Variants in SLC43A1 observed in about 807,000 individuals in gnomAD.
SLC43A1 encodes the protein solute carrier family 43 member 1.
Under a neutral mutation model 59.5 loss-of-function variants are expected in SLC43A1, and 31 were observed. The observed-to-expected ratio is 0.52, with a 90% CI of 0.39 to 0.70. The LOEUF (loss-of-function observed/expected upper bound fraction) is 0.70, where lower values mean the gene tolerates loss of function less well. Ranked by LOEUF, SLC43A1 falls within the 30% of genes least tolerant of loss-of-function variation. The pLI, the probability that SLC43A1 is intolerant of heterozygous loss-of-function variation, is 0.00. For missense variants in SLC43A1, 598 were observed against 717.8 expected, an observed-to-expected ratio of 0.83 and a Z score of 1.91; for synonymous variants, 259 against 290.9, an observed-to-expected ratio of 0.89 and a Z score of 1.12.
rs1565146251 is a variant in SLC43A1, at chr11:57,513,986, GTTC to G, written c.123_125del (p.Lys41del). The G allele has an allele frequency of 2.1e-6, 3 of 1,452,662 alleles. No homozygotes were observed. The allele number at this position is 1,452,662 out of a possible 1,614,324, so 90.0% of individuals were successfully genotyped here. A position where few individuals can be genotyped will look rare whatever the true frequency, so the allele number is the denominator to read the frequency against. On this transcript the variant is annotated inframe_deletion, in exon 2 of 15. Transcript: ENST00000278426. ...GGCACGTGCTGGAATAGAAGCCCTC[GTTC>G]TTCAGAATGATCAACAGGGAGCCCC...
chr11:57,497,584 C>T (rs886792574), intron 6 of SLC43A1, among the ~76,000 whole-genome samples, 169 bp downstream of exon 6: 2 of 152,216 alleles, frequency 1.3e-5, no homozygotes, highest in African/African-American at 4.8e-5. Flanking sequence ...GGGAGACCAG[C>T]TGAGAAAGCT....
intron 6 of SLC43A1, among the ~76,000 whole-genome samples, 157 bp from the exon 7 acceptor site, chr11:57,496,321 C>A (rs960199844): frequency 1.3e-5 from 2 of 152,196 alleles, no homozygotes; most frequent in Admixed American, 6.6e-5. Context: ...AGTTTAGAGT[C>A]AGACTCAGAA....
rs201227416 is a variant in SLC43A1 at position 57,485,218 on chromosome 11, A to G, written c.1558T>C (p.Ser520Pro). 2 of 1,613,580 alleles carry G rather than the reference A, an allele frequency of 1.2e-6. No individual in the cohort carries two copies. Residue 520 changes from serine (S) to proline (P), a missense_variant, in exon 15 of 15, where the codon TCA becomes CCA. Physicochemically the swap from Ser to Pro is moderately conservative, Grantham distance 74 (BLOSUM62 -1). Coordinates refer to ENST00000278426, the MANE Select transcript of SLC43A1 (RefSeq NM_003627.6). ...FWVNLGLLLF[S>P]LLGFLLPSYL... Reference sequence around the variant, plus strand: ...GAAGGCAACAGGAATCCCAGGAGTGAGAATAGCAGGAGGCCCAGATTCACC... The same window carrying G: ...GAAGGCAACAGGAATCCCAGGAGTGGGAATAGCAGGAGGCCCAGATTCACC...
chr11:57,513,834 A>C, intron 2 of SLC43A1, 124 bp downstream of exon 2: 1 of 752,630 alleles, frequency 1.3e-6, no homozygotes. Context: ...GAAGAGGTCG[A>C]GAAGTGAGGC....
chr11:57,505,818 A>T (rs1228024341), intron 2 of SLC43A1, among the ~76,000 whole-genome samples: 4 of 152,174 alleles, frequency 2.6e-5, no homozygotes, highest in African/African-American at 9.7e-5. Flanking sequence ...GCCGGGTTCA[A>T]ATTCTAATTC....
chr11:57,487,047 C>G, intron 14 of SLC43A1, 48 bp downstream of exon 14: 1 of 1,601,908 alleles, frequency 6.2e-7, no homozygotes, highest in Non-Finnish European at 8.5e-7. Context: ...CTACCCCTGC[C>G]CCCAGGAGAG....
intron 5 of SLC43A1, among the ~76,000 whole-genome samples, 199 bp downstream of exon 5, chr11:57,500,580 A>G (rs1316960001): frequency 6.6e-6 from 1 of 152,112 alleles, no homozygotes; most frequent in Non-Finnish European, 1.5e-5. Flanking sequence ...ACACCCCGAC[A>G]CACAGCCTCA....
intron 14 of SLC43A1, 81 bp downstream of exon 14, chr11:57,487,014 G>A (rs1222476997): frequency 5.4e-6 from 8 of 1,475,722 alleles, no homozygotes; most frequent in South Asian, 2.3e-5. Context: ...AGATGAGTGA[G>A]GGATGGCACC....
chr11:57,509,721 A>G (rs1291578001), intron 2 of SLC43A1, among the ~76,000 whole-genome samples: 6 of 133,642 alleles, frequency 4.5e-5, no homozygotes, highest in Non-Finnish European at 9.6e-5. Context: ...AGGGAGGGAA[A>G]GAAGGAAGGA....
intron 2 of SLC43A1, among the ~76,000 whole-genome samples, chr11:57,503,854 C>G (rs1944328953): frequency 6.6e-6 from 1 of 152,156 alleles, no homozygotes; most frequent in African/African-American, 2.4e-5. Flanking sequence ...AGTTTAAAAT[C>G]AGGAGTTATC....
In SLC43A1 at chr11:57,500,990, T is replaced by G; in HGVS notation, c.386A>C (p.Glu129Ala). 6.3e-7 allele frequency: 1 copy of G among 1,598,642 alleles called. No homozygotes were observed. The highest frequency in any genetic ancestry group is 8.5e-7 in the Non-Finnish European group (1 of 1,172,310). Residue 129 changes from glutamate to alanine, a missense_variant and splice_region_variant, in exon 4 of 15, where the codon GAA becomes GCA. Transcript: ENST00000278426. ...TLMALASRDVEALSPLIFLAL... is the reference protein window; with the variant it reads ...TLMALASRDVAALSPLIFLAL... ...CCACAAGAGGACAGACAACTCACCTTCCACGTCCCGGGAGGCCAGGGCCAT... is the reference window on the plus strand; with the variant it reads ...CCACAAGAGGACAGACAACTCACCTGCCACGTCCCGGGAGGCCAGGGCCAT...
intron 8 of SLC43A1, among the ~76,000 whole-genome samples, chr11:57,492,246 T>TTATA (rs996972784): frequency 7.5e-6 from 1 of 132,906 alleles, no homozygotes; most frequent in East Asian, 2.1e-4. Flanking sequence ...TATACAGAAA[T>TTATA]TATATATATA....
At chr11:57,492,536 GTATATATA>G (rs71061509) in intron 8 of SLC43A1, among the ~76,000 whole-genome samples, 1,216 of 79,816 alleles carry the variant, frequency 0.015, 30 homozygotes, top group African/African-American at 0.062. Context: ...ATAATTTTGT[GTATATATA>G]TATATATATA....
At chr11:57,498,552 A>G (rs1185535282) in intron 5 of SLC43A1, among the ~76,000 whole-genome samples, 2 of 152,222 alleles carry the variant, frequency 1.3e-5, no homozygotes, top group African/African-American at 4.8e-5. Context: ...TTCACAGAGC[A>G]CATTAATGGC....
intron 2 of SLC43A1, among the ~76,000 whole-genome samples, chr11:57,510,727 C>A (rs1233190290): frequency 1.3e-5 from 2 of 152,092 alleles, no homozygotes; most frequent in Middle Eastern, 3.4e-3. Flanking sequence ...CACAGTGGCT[C>A]ACGCCTGTAA....
At chr11:57,504,636 C>T (rs542288964) in intron 2 of SLC43A1, among the ~76,000 whole-genome samples, 1 of 152,314 alleles carries the variant, frequency 6.6e-6, no homozygotes, top group Admixed American at 6.5e-5. Context: ...TTCTTACAGG[C>T]AGGCTCAGAT....
At chr11:57,487,259 T>C in intron 13 of SLC43A1, 41 bp from the exon 14 acceptor site, 1 of 1,597,638 alleles carries the variant, frequency 6.3e-7, no homozygotes, top group Non-Finnish European at 8.6e-7. Context: ...TGTGGCCCTC[T>C]CCAGCCCAGG....
In SLC43A1 at chr11:57,493,692, A is replaced by C. The variant is rs538300253; in HGVS notation, c.871+301T>G. Among the ~76,000 whole-genome samples the C allele has an allele frequency of 5.3e-5, 8 of 152,262 alleles. No individual in the cohort carries two copies. The South Asian group carries it at 1.7e-3, about 32-fold the overall frequency. On this transcript the variant is annotated intron_variant, in intron 8 of 14. Coordinates refer to ENST00000278426, the MANE Select transcript of SLC43A1 (RefSeq NM_003627.6). Reference sequence around the variant, plus strand: ...GCTGCACCTGATGCAATAAGCTCAGAGGTTGCAAGGGGCCCTGAGGAAACC... The same window carrying C: ...GCTGCACCTGATGCAATAAGCTCAGCGGTTGCAAGGGGCCCTGAGGAAACC...
At chr11:57,493,389 C>T (rs1328149073) in intron 8 of SLC43A1, among the ~76,000 whole-genome samples, 1 of 152,114 alleles carries the variant, frequency 6.6e-6, no homozygotes, top group African/African-American at 2.4e-5. Context: ...TTGTGGGGTG[C>T]TTTTAGTGCT....
Sources: allele counts gnomAD v4.1 joint callset (sites outside exome capture counted in the v4.1 genomes callset), GRCh38; gene constraint gnomAD v4.1.1; transcripts MANE v1.5; gene names NCBI Gene and HGNC (gene_info 2026-07-23, HGNC 2026-07-21).